The following PKP2 variants were observed in gnomAD, a reference collection of about 807,000 sequenced individuals.
PKP2 encodes the protein plakophilin 2, also known as plakophilin-2.
PKP2 carries 73 observed loss-of-function variants against 83.4 expected under a neutral mutation model. The observed-to-expected ratio is 0.88, with a 90% confidence interval of 0.72 to 1.06. The LOEUF is 1.06. Among genes scored for constraint, PKP2 ranks in the 50% least tolerant of loss-of-function variants. The pLI, the probability that PKP2 is intolerant of heterozygous loss-of-function variation, is 0.00. For missense variants in PKP2, 966 were observed against 1,065.4 expected, an observed-to-expected ratio of 0.91 and a Z score of 1.30; for synonymous variants, 409 against 430.4, an observed-to-expected ratio of 0.95 and a Z score of 0.62.
At chr12:32,894,091 C>G (rs1301619626) in intron 1 of PKP2, 1 of 151,988 alleles carries the variant, frequency 6.6e-6, no homozygotes, top group East Asian at 1.9e-4. Context: ...CCACGCCCGG[C>G]TAATTTTGTA....
chr12:32,889,591 C>T (rs910813652), intron 1 of PKP2, among the ~76,000 whole-genome samples: 2 of 152,176 alleles, frequency 1.3e-5, no homozygotes, highest in African/African-American at 4.8e-5. Context: ...TCAGTTTGCG[C>T]TTAATCATTC....
intron 4 of PKP2, 104 bp from the exon 5 acceptor site, chr12:32,851,077 T>C (rs866359828): frequency 7.7e-6 from 7 of 908,734 alleles, no homozygotes; most frequent in Middle Eastern, 5.8e-4. Flanking sequence ...GACTATAACC[T>C]TTCTTCATCA....
At chr12:32,849,016 A>C (rs531868057) in intron 5 of PKP2, among the ~76,000 whole-genome samples, 4 of 151,856 alleles carry the variant, frequency 2.6e-5, no homozygotes, top group South Asian at 2.1e-4. Context: ...AAAAAAAAAA[A>C]AAAAAAAACC....
chr12:32,829,398 G>A (rs1209705608), intron 6 of PKP2, among the ~76,000 whole-genome samples: 1 of 151,488 alleles, frequency 6.6e-6, no homozygotes, highest in Non-Finnish European at 1.5e-5. Context: ...GGGACTACAG[G>A]CGCATGTCAC....
At chr12:32,802,661 CTTAT>C (rs993138747) in intron 9 of PKP2, 105 bp from the exon 10 acceptor site, 29 of 1,018,494 alleles carry the variant, frequency 2.8e-5, no homozygotes, top group African/African-American at 6.4e-5. Flanking sequence ...TTATTTTTAT[CTTAT>C]TTATTTATTT....
At chr12:32,812,692 C>T (rs985453720) in intron 9 of PKP2, among the ~76,000 whole-genome samples, 6 of 151,984 alleles carry the variant, frequency 3.9e-5, no homozygotes, top group South Asian at 2.1e-4. Context: ...TTAGTAGAGA[C>T]GGGGTTTCAC....
chr12:32,894,193 C>A (rs2138003175), intron 1 of PKP2: 1 of 152,322 alleles, frequency 6.6e-6, no homozygotes, highest in Non-Finnish European at 1.5e-5. Flanking sequence ...TCCCAAAGTG[C>A]TGCAATTACA....
intron 3 of PKP2, 41 bp downstream of exon 3, chr12:32,877,805 T>A (rs774557154): frequency 1.4e-6 from 2 of 1,401,304 alleles, no homozygotes; most frequent in Admixed American, 3.4e-5. Context: ...GAACAGAATG[T>A]GCTGGCAATG....
At chr12:32,879,939 A>G (rs368287838) in intron 1 of PKP2, among the ~76,000 whole-genome samples, 2 of 152,028 alleles carry the variant, frequency 1.3e-5, no homozygotes, top group South Asian at 4.1e-4. Flanking sequence ...TATAGTGCTG[A>G]AAAATTTGGG....
chr12:32,855,942 G>C (rs887159962), intron 4 of PKP2, among the ~76,000 whole-genome samples: 1 of 151,850 alleles, frequency 6.6e-6, no homozygotes, highest in Non-Finnish European at 1.5e-5. Context: ...TATTTATTTC[G>C]ATTTAAAAAT....
At chr12:32,862,177 G>T (rs542140627) in intron 4 of PKP2, among the ~76,000 whole-genome samples, 1 of 152,268 alleles carries the variant, frequency 6.6e-6, no homozygotes, top group East Asian at 1.9e-4. Flanking sequence ...GATTACAGGC[G>T]TGAGCCACCA....
At chr12:32,793,070 G>A (rs1233289472) in intron 11 of PKP2, among the ~76,000 whole-genome samples, 5 of 152,056 alleles carry the variant, frequency 3.3e-5, no homozygotes, top group African/African-American at 1.2e-4. Context: ...GTGAAACCCC[G>A]TCTGTACTAA....
chr12:32,895,231 C>T (rs537418587), intron 1 of PKP2, among the ~76,000 whole-genome samples: 7 of 152,142 alleles, frequency 4.6e-5, no homozygotes, highest in South Asian at 2.1e-4. Flanking sequence ...CAAACCACAT[C>T]GCCCAATTCT....
chr12:32,817,362 T>C (rs900626838), intron 9 of PKP2, among the ~76,000 whole-genome samples: 1 of 152,246 alleles, frequency 6.6e-6, no homozygotes. Context: ...ATTCTGGACA[T>C]TGGCCATGGG....
chr12:32,805,692 T>C (rs1028346826), intron 9 of PKP2, among the ~76,000 whole-genome samples: 1 of 152,212 alleles, frequency 6.6e-6, no homozygotes, highest in African/African-American at 2.4e-5. Flanking sequence ...AGTGCCATGC[T>C]GTTTTGGTTA....
Position 32,879,556 on chromosome 12 carries a change from C to T in PKP2, c.224-524G>A, listed in dbSNP as rs145853159. Among the ~76,000 whole-genome samples, 701 of 151,114 alleles carry T rather than the reference C, an allele frequency of 4.6e-3. 6 individuals are homozygous for T. Among genetic ancestry groups the T allele is most frequent in the African/African-American group, 0.016 (664 of 41,098 alleles). On this transcript the variant is annotated intron_variant, in intron 1 of 12. Transcript: ENST00000340811. ...TCAAAAAGAAAGTTTTGGCTGGGCA[C>T]GGTGGCTTACACCTGTAATCCCAGA...
intron 9 of PKP2, among the ~76,000 whole-genome samples, chr12:32,809,991 G>A (rs1956263024): frequency 1.3e-5 from 2 of 152,184 alleles, no homozygotes; most frequent in South Asian, 4.1e-4. Flanking sequence ...GCTGTGGACT[G>A]CAGCTGCTTC....
Position 32,792,670 on chromosome 12 carries a change from T to C in PKP2, c.2419A>G (p.Thr807Ala), listed in dbSNP as rs1956080915. 4 of 1,614,112 alleles carry C rather than the reference T, an allele frequency of 2.5e-6. No individual in the cohort carries two copies. Among genetic ancestry groups the C allele is most frequent in the Admixed American group, 1.7e-5 (1 of 60,028 alleles). ...TTCTTGTAGGCATGATGCAGTTCCG[T>C]GTGTGCCCACAGAGAATACAGAAGG... ...SVLLYSLWAH[T>A]ELHHAYKKAQ... The change falls in exon 12 of 13, where the codon ACG becomes GCG. Residue 807 changes from threonine (T) to alanine (A), a missense_variant. Transcript: ENST00000340811.
At chr12:32,821,302 G>T (rs1187587891) in intron 9 of PKP2, 54 bp downstream of exon 9, 8 of 1,401,230 alleles carry the variant, frequency 5.7e-6, no homozygotes, top group Admixed American at 3.4e-5. Context: ...TTGAATGTAG[G>T]TATGTCTACA....
Sources: allele counts gnomAD v4.1 joint callset (sites outside exome capture counted in the v4.1 genomes callset), GRCh38; gene constraint gnomAD v4.1.1; transcripts MANE v1.5; gene names NCBI Gene and HGNC (gene_info 2026-07-23, HGNC 2026-07-21).